EPHA6: variants seen among roughly 807,000 people sequenced by gnomAD.
EPHA6 encodes the protein EPH receptor A6.
EPHA6 carries 50 observed loss-of-function variants against 112.0 expected under a neutral mutation model. That is an observed-to-expected ratio of 0.45 (90% confidence interval 0.36 to 0.56). EPHA6 has a LOEUF of 0.56. EPHA6 is among the 20% of genes least tolerant of loss of function. The probability of loss-of-function intolerance (pLI) is 0.00; values close to 1 mark genes in which losing one functional copy is unlikely to be tolerated. For synonymous variants in EPHA6, 529 were observed against 490.7 expected (o/e 1.08, Z -1.03); for missense variants, 1,280 against 1,417.4 (o/e 0.90, Z 1.56).
intron 3 of EPHA6, among the ~76,000 whole-genome samples, chr3:97,018,880 G>A (rs548951454): frequency 9.9e-5 from 15 of 152,272 alleles, no homozygotes; most frequent in African/African-American, 1.9e-4. Context: ...CTTAGACCAC[G>A]GTCCGCCTGG....
intron 1 of EPHA6, among the ~76,000 whole-genome samples, chr3:96,846,403 G>A (rs1166577706): frequency 6.6e-6 from 1 of 152,014 alleles, no homozygotes; most frequent in Non-Finnish European, 1.5e-5. Flanking sequence ...TCGGATTGAG[G>A]TGAGTCCAGT....
At chr3:97,426,457 A>G (rs1409280243) in intron 6 of EPHA6, among the ~76,000 whole-genome samples, 2 of 152,214 alleles carry the variant, frequency 1.3e-5, no homozygotes, top group Non-Finnish European at 1.5e-5. Context: ...CCTGTCATTG[A>G]CATGTGGGGA....
chr3:97,499,072 T>C (rs928020141), intron 10 of EPHA6, among the ~76,000 whole-genome samples: 6 of 151,738 alleles, frequency 4.0e-5, no homozygotes, highest in African/African-American at 1.4e-4. Flanking sequence ...TGTACACATA[T>C]ATCTTTAGAA....
At chr3:96,911,800 A>G (rs986839748) in intron 2 of EPHA6, among the ~76,000 whole-genome samples, 2 of 152,140 alleles carry the variant, frequency 1.3e-5, no homozygotes, top group African/African-American at 4.8e-5. Context: ...CGTTAAAGAT[A>G]GTACATTTTT....
rs116308563 is a variant in EPHA6 at position 97,338,770 on chromosome 3, G to T, written c.1607-66380G>T. 4.9e-3 allele frequency among the ~76,000 whole-genome samples: 742 copies of T among 152,294 alleles called. 6 individuals carry two copies. Among genetic ancestry groups the T allele is most frequent in the African/African-American group, 0.017 (718 of 41,576 alleles). On this transcript the variant is annotated intron_variant, in intron 5 of 17. Coordinates refer to ENST00000389672, the MANE Select transcript of EPHA6 (RefSeq NM_001080448.3). Reference sequence around the variant, plus strand: ...TACTCAGCCCCCGAAGTCTACTATTGTCAGTATTCTTTTGGTTGCAAGTGA... The same window carrying T: ...TACTCAGCCCCCGAAGTCTACTATTTTCAGTATTCTTTTGGTTGCAAGTGA...
chr3:97,675,040 C>T (rs910863289), intron 14 of EPHA6, among the ~76,000 whole-genome samples: 7 of 152,078 alleles, frequency 4.6e-5, no homozygotes, highest in East Asian at 1.9e-4. Flanking sequence ...CTATGCTTTG[C>T]GGGAAACAAA....
Position 97,540,870 on chromosome 3 carries a change from T to C in EPHA6, c.2386+8327T>C, listed in dbSNP as rs137924554. 5.3e-3 allele frequency among the ~76,000 whole-genome samples: 801 copies of C among 152,328 alleles called. 7 individuals carry two copies. Among genetic ancestry groups the C allele is most frequent in the African/African-American group, 0.018 (761 of 41,582 alleles). ...AATCTCTCCCAAATCATTCATGATA[T>C]GATTTGTTCTAGATAAAGAGTGTGA... On this transcript the variant is annotated intron_variant, in intron 11 of 17. Transcript: ENST00000389672.
chr3:97,745,409 C>A (rs1349988412), intron 16 of EPHA6: 2 of 450,566 alleles, frequency 4.4e-6, no homozygotes, highest in Non-Finnish European at 8.9e-6. Context: ...AGCCCACAAT[C>A]AAAATAACGT....
intron 13 of EPHA6, among the ~76,000 whole-genome samples, chr3:97,619,433 A>AG (rs34766006): frequency 0.29 from 32,553 of 111,848 alleles, 5,649 homozygotes; most frequent in Non-Finnish European, 0.4. Flanking sequence ...CAATAGAAAA[A>AG]GGGGGGGGGG....
intron 3 of EPHA6, among the ~76,000 whole-genome samples, chr3:97,003,190 C>T (rs1430684252): frequency 1.3e-5 from 2 of 152,168 alleles, no homozygotes; most frequent in African/African-American, 2.4e-5. Context: ...TCACTGCAAC[C>T]TCTGCCTCCT....
intron 14 of EPHA6, among the ~76,000 whole-genome samples, chr3:97,663,254 TG>T: frequency 6.6e-6 from 1 of 152,258 alleles, no homozygotes; most frequent in Admixed American, 6.5e-5. Flanking sequence ...AGCATCAGAT[TG>T]GTGTTTATGT....
At chr3:97,068,532 A>T (rs2046252177) in intron 3 of EPHA6, among the ~76,000 whole-genome samples, 1 of 152,106 alleles carries the variant, frequency 6.6e-6, no homozygotes, top group African/African-American at 2.4e-5. Flanking sequence ...ACATGAGTAT[A>T]TGCATTCCCA....
At chr3:97,387,848 T>C (rs2086160756) in intron 5 of EPHA6, among the ~76,000 whole-genome samples, 1 of 152,192 alleles carries the variant, frequency 6.6e-6, no homozygotes, top group Admixed American at 6.5e-5. Flanking sequence ...TTTAATCAGC[T>C]TACAGTTCTG....
At chr3:97,258,218 T>A (rs1484005004) in intron 5 of EPHA6, among the ~76,000 whole-genome samples, 2 of 151,512 alleles carry the variant, frequency 1.3e-5, no homozygotes, top group Non-Finnish European at 2.9e-5. Flanking sequence ...GCTAAATAAA[T>A]AAATTAGGTG....
intron 10 of EPHA6, among the ~76,000 whole-genome samples, chr3:97,508,872 A>C (rs2092309734): frequency 6.6e-6 from 1 of 150,434 alleles, no homozygotes; most frequent in South Asian, 2.1e-4. Context: ...TAGGATAGTT[A>C]GCTCTTCTTA....
chr3:97,486,976 T>C (rs2091714088), intron 10 of EPHA6, among the ~76,000 whole-genome samples: 1 of 152,230 alleles, frequency 6.6e-6, no homozygotes, highest in Admixed American at 6.5e-5. Flanking sequence ...GGGACTCTAT[T>C]TCTTCATCAT....
intron 5 of EPHA6, among the ~76,000 whole-genome samples, chr3:97,368,715 A>G (rs1202436264): frequency 2.6e-5 from 4 of 152,208 alleles, no homozygotes; most frequent in African/African-American, 4.8e-5. Context: ...ATCTCTAGAC[A>G]GGCATGTAGG....
intron 3 of EPHA6, among the ~76,000 whole-genome samples, chr3:97,038,461 A>G (rs542578912): frequency 1.8e-4 from 27 of 152,182 alleles, no homozygotes; most frequent in Admixed American, 1.3e-3. Context: ...CTACAGTTCC[A>G]TCCATGTTGC....
rs1056110149 is a variant in EPHA6, at chr3:97,039,547, C to CT, written c.1114+51564dup. The stretch of plus-strand genomic sequence containing the variant: ...GGAATAGATTATGAGAGTCATGGAA[C>CT]TTTTTTTTTTAATTGGGAGAAAGTG... On this transcript the variant is annotated intron_variant, in intron 3 of 17. Transcript: ENST00000389672. Among the ~76,000 whole-genome samples the CT allele has an allele frequency of 1.0e-4, 15 of 147,548 alleles. No individual in the cohort carries two copies. The South Asian group carries it at 2.2e-3, about 21-fold the overall frequency.
Sources: gnomAD v4.1 joint callset for allele counts (sites outside exome capture counted in the v4.1 genomes callset) on GRCh38, gnomAD v4.1.1 for gene constraint, MANE v1.5 for transcripts, NCBI Gene and HGNC (gene_info 2026-07-23, HGNC 2026-07-21) for gene names.